ASIC2: variants seen among roughly 807,000 people sequenced by gnomAD.
The protein encoded by ASIC2 is acid-sensing ion channel 2.
In ASIC2, 25 loss-of-function variants were observed where a neutral mutation model predicts 57.3. The observed-to-expected ratio is 0.44, with a 90% CI of 0.32 to 0.61. ASIC2 has a LOEUF of 0.61. Ranked by LOEUF, ASIC2 falls within the 20% of genes least tolerant of loss-of-function variation. The pLI is 0.06. For synonymous variants in ASIC2, 319 were observed against 307.5 expected (o/e 1.04, Z -0.39); for missense variants, 641 against 738.1 (o/e 0.87, Z 1.52).
chr17:33,367,380 C>T lies in ASIC2; in HGVS notation c.556-255313G>A, dbSNP rs531200200. 8.5e-5 allele frequency among the ~76,000 whole-genome samples: 13 copies of T among 152,252 alleles called. No individual in the cohort carries two copies. In the East Asian group the frequency reaches 1.4e-3, roughly 16 times the overall value. On this transcript the variant is annotated intron_variant, in intron 1 of 9. Transcript: ENST00000359872. The stretch of plus-strand genomic sequence containing the variant: ...AGTGCTGGTGGCACTAACCCTCTGG[C>T]GTTTCACCTCTCCCTTGAAGTACTC...
intron 1 of ASIC2, among the ~76,000 whole-genome samples, chr17:34,076,459 C>A (rs1909658623): frequency 6.6e-6 from 1 of 152,188 alleles, no homozygotes; most frequent in Non-Finnish European, 1.5e-5. Context: ...TCACTTTCTA[C>A]CTTCATATCT....
chr17:33,768,903 C>T (rs745794815), intron 1 of ASIC2, among the ~76,000 whole-genome samples: 4 of 152,226 alleles, frequency 2.6e-5, no homozygotes, highest in Admixed American at 6.5e-5. Context: ...TTGCCCTTCC[C>T]GTTCCCTCTC....
At chr17:33,710,307 G>A (rs1208916169) in intron 1 of ASIC2, among the ~76,000 whole-genome samples, 1 of 152,188 alleles carries the variant, frequency 6.6e-6, no homozygotes, top group East Asian at 1.9e-4. Context: ...AATAGTTACT[G>A]ACCATCTATT....
At chr17:33,134,194 T>A (rs2092358742) in intron 1 of ASIC2, among the ~76,000 whole-genome samples, 1 of 152,200 alleles carries the variant, frequency 6.6e-6, no homozygotes, top group African/African-American at 2.4e-5. Flanking sequence ...GATGTTACCA[T>A]CCCCATTTTA....
At chr17:33,283,015 A>G (rs1228332884) in intron 1 of ASIC2, among the ~76,000 whole-genome samples, 1 of 152,222 alleles carries the variant, frequency 6.6e-6, no homozygotes, top group African/African-American at 2.4e-5. Context: ...GCCATCATTC[A>G]GCCTACACAT....
intron 1 of ASIC2, among the ~76,000 whole-genome samples, chr17:33,178,759 G>A (rs543369839): frequency 3.1e-4 from 47 of 152,348 alleles, no homozygotes; most frequent in African/African-American, 1.1e-3. Context: ...CAGCCCAACA[G>A]AGGAGGGCCC....
intron 1 of ASIC2, among the ~76,000 whole-genome samples, chr17:33,259,557 G>A (rs528001957): frequency 1.3e-5 from 2 of 151,984 alleles, no homozygotes; most frequent in Non-Finnish European, 2.9e-5. Flanking sequence ...AGTAAATTAA[G>A]CAACAGGCTG....
rs534326642 is a variant in ASIC2, at chr17:33,035,784, C to A, written c.988-7392G>T. Among the ~76,000 whole-genome samples, 85 of 152,326 alleles carry A rather than the reference C, an allele frequency of 5.6e-4. 1 individual carries two copies. The highest frequency in any genetic ancestry group is 1.9e-3 in the African/African-American group (79 of 41,580). On this transcript the variant is annotated intron_variant, in intron 3 of 9. Transcript: ENST00000225823. ...CCCCCTGGGCTTTTTAGACTCTCTC[C>A]CTATCCACATACAGTTCAAAGTTCA...
chr17:33,090,164 G>A (rs1439071783), intron 2 of ASIC2, among the ~76,000 whole-genome samples: 1 of 152,134 alleles, frequency 6.6e-6, no homozygotes, highest in Non-Finnish European at 1.5e-5. Flanking sequence ...ATCTCCTTCT[G>A]CCCAGAATGT....
chr17:33,673,808 C>T (rs778880004), intron 1 of ASIC2, among the ~76,000 whole-genome samples: 95 of 152,040 alleles, frequency 6.2e-4, no homozygotes, highest in South Asian at 2.1e-4. Flanking sequence ...CAGAATCATT[C>T]GTGAAGCTTT....
At chr17:33,208,074 TG>T (rs1424024650) in intron 1 of ASIC2, among the ~76,000 whole-genome samples, 1 of 151,844 alleles carries the variant, frequency 6.6e-6, no homozygotes, top group Non-Finnish European at 1.5e-5. Context: ...AGTGGATGAG[TG>T]AATGGAGAAG....
intron 1 of ASIC2, among the ~76,000 whole-genome samples, chr17:33,176,009 A>T (rs1442227913): frequency 6.6e-6 from 1 of 152,084 alleles, no homozygotes; most frequent in Non-Finnish European, 1.5e-5. Context: ...GCAAGCAATG[A>T]TCCCCACAAA....
chr17:34,040,844 TAA>T (rs899747633), intron 1 of ASIC2, among the ~76,000 whole-genome samples: 13 of 152,192 alleles, frequency 8.5e-5, no homozygotes, highest in Admixed American at 4.6e-4. Context: ...CAAAATATAA[TAA>T]GAGTTAACAT....
At chr17:33,046,601 C>T (rs913206379) in intron 3 of ASIC2, among the ~76,000 whole-genome samples, 1 of 152,092 alleles carries the variant, frequency 6.6e-6, no homozygotes, top group African/African-American at 2.4e-5. Flanking sequence ...TCCCCTCCAG[C>T]CATGCTCCCC....
chr17:33,348,986 T>A (rs1374496327), intron 1 of ASIC2, among the ~76,000 whole-genome samples: 1 of 152,214 alleles, frequency 6.6e-6, no homozygotes, highest in Non-Finnish European at 1.5e-5. Flanking sequence ...CCTGTTTGAA[T>A]GCAGACTCTT....
chr17:33,984,686 T>G (rs1905753164), intron 1 of ASIC2, among the ~76,000 whole-genome samples: 1 of 152,206 alleles, frequency 6.6e-6, no homozygotes, highest in Non-Finnish European at 1.5e-5. Flanking sequence ...GTCACTTGTC[T>G]GTCTAAGCTG....
At chr17:33,658,110 T>G (rs991073121) in intron 1 of ASIC2, among the ~76,000 whole-genome samples, 2 of 152,214 alleles carry the variant, frequency 1.3e-5, no homozygotes, top group Admixed American at 1.3e-4. Flanking sequence ...ATCTCATACA[T>G]GCTGCTCAGA....
At position 34,096,897 on chromosome 17, in the gene ASIC2, T is replaced by A. The variant is rs1002682875; in HGVS notation, c.555+59081A>T. 3.0e-5 allele frequency among the ~76,000 whole-genome samples: 4 copies of A among 134,650 alleles called. No individual in the cohort carries two copies. In the East Asian group the frequency reaches 9.0e-4, roughly 30 times the overall value. The allele number at this position is 134,650 out of a possible 152,430, so 88.3% of individuals were successfully genotyped here. A position where few individuals can be genotyped will look rare whatever the true frequency, so the allele number is the denominator to read the frequency against. Reference sequence around the variant, plus strand: ...AAAAAAAAAAAAAAGTAGATAGGACTATGGCAGCTGCCCAAGTGAGAGATC... The same window carrying A: ...AAAAAAAAAAAAAAGTAGATAGGACAATGGCAGCTGCCCAAGTGAGAGATC... On this transcript the variant is annotated intron_variant, in intron 1 of 9. Coordinates refer to the ASIC2 transcript ENST00000359872.
chr17:33,527,630 T>G (rs968320230), intron 1 of ASIC2, among the ~76,000 whole-genome samples: 1 of 152,164 alleles, frequency 6.6e-6, no homozygotes, highest in Admixed American at 6.5e-5. Flanking sequence ...ACAATGGGAA[T>G]ATCAGGAATA....
Sources: allele counts gnomAD v4.1 joint callset (sites outside exome capture counted in the v4.1 genomes callset), GRCh38; gene constraint gnomAD v4.1.1; transcripts MANE v1.5; gene names NCBI Gene and HGNC (gene_info 2026-07-23, HGNC 2026-07-21).